Variants in CYFIP1 observed in about 807,000 individuals in gnomAD.
The protein encoded by CYFIP1 is cytoplasmic FMR1 interacting protein 1, also known as cytoplasmic FMR1-interacting protein 1.
In CYFIP1, 58 loss-of-function variants were observed where a neutral mutation model predicts 163.5. The observed-to-expected ratio is 0.35, with a 90% CI of 0.29 to 0.44. CYFIP1 has a LOEUF of 0.44. CYFIP1 is among the 20% of genes least tolerant of loss of function. The pLI, the probability that CYFIP1 is intolerant of heterozygous loss-of-function variation, is 1.00. For missense variants in CYFIP1, 1,338 were observed against 1,653.8 expected, an observed-to-expected ratio of 0.81 and a Z score of 3.31; for synonymous variants, 663 against 660.7, an observed-to-expected ratio of 1.00 and a Z score of -0.05.
At chr15:22,880,661 G>A (rs901871954) in intron 25 of CYFIP1, among the ~76,000 whole-genome samples, 1 of 152,178 alleles carries the variant, frequency 6.6e-6, no homozygotes, top group Non-Finnish European at 1.5e-5. Context: ...CACAATGAAC[G>A]TGGCATCAGG....
At chr15:22,886,495 T>C (rs945985795) in intron 23 of CYFIP1, among the ~76,000 whole-genome samples, 1 of 152,232 alleles carries the variant, frequency 6.6e-6, no homozygotes, top group African/African-American at 2.4e-5. Context: ...TTACATTTCA[T>C]TCAATTCAAT....
intron 1 of CYFIP1, among the ~76,000 whole-genome samples, chr15:22,948,808 T>TAAAA (rs3083516): frequency 7.2e-6 from 1 of 139,720 alleles, no homozygotes; most frequent in Non-Finnish European, 1.5e-5. Flanking sequence ...TACTGAAATG[T>TAAAA]AAAAAAAAAA....
intron 26 of CYFIP1, among the ~76,000 whole-genome samples, chr15:22,876,058 C>G (rs1347943619): frequency 6.6e-6 from 1 of 151,558 alleles, no homozygotes; most frequent in Non-Finnish European, 1.5e-5. Flanking sequence ...GCTCACCACC[C>G]CCACGGAGCA....
At chr15:22,897,477 T>TG (rs980934836) in intron 22 of CYFIP1, among the ~76,000 whole-genome samples, 2 of 144,788 alleles carry the variant, frequency 1.4e-5, no homozygotes, top group African/African-American at 5.0e-5. Context: ...TCAACAGGGT[T>TG]GTTTTTTTTT....
chr15:22,947,019 G>A lies in CYFIP1; in HGVS notation c.191C>T (p.Thr64Ile). 6.2e-7 allele frequency: 1 copy of A among 1,613,956 alleles called. No individual in the cohort carries two copies. Among genetic ancestry groups the A allele is most frequent in the Middle Eastern group, 1.6e-4 (1 of 6,062 alleles). The change falls in exon 3 of 31, where the codon ACC becomes ATC. Residue 64 changes from threonine (T) to isoleucine (I), a missense_variant. By Grantham distance (89) the Thr-to-Ile change is moderately conservative. Around this residue, in one of 4 missense-constraint regions of CYFIP1, gnomAD observed 186 missense variants for 288.3 expected, o/e 0.65. Coordinates refer to ENST00000617928, the MANE Select transcript of CYFIP1 (RefSeq NM_014608.6). ...TGIARYIEQA[T>I]VHSSMNEMLE... ...CAACATTACCATGCTAGAGTGGACG[G>A]TGGCTTGTTCAATGTATCTTGCGAT...
chr15:22,971,474 A>C (rs1206510090), intron 1 of CYFIP1, among the ~76,000 whole-genome samples: 1 of 152,176 alleles, frequency 6.6e-6, no homozygotes, highest in African/African-American at 2.4e-5. Context: ...GGAGTTCCAG[A>C]CCAGCCTGAC....
Position 22,954,033 on chromosome 15 carries a change from G to A in CYFIP1, c.-6-6742C>T, listed in dbSNP as rs181931232. On this transcript the variant is annotated intron_variant, in intron 1 of 30. Coordinates refer to ENST00000617928, the MANE Select transcript of CYFIP1 (RefSeq NM_014608.6). ...ATCGCGCCACTGCACTCCAGCCTGGGTGACAGAGCGAAGACTGTCTCAAAA... is the reference window on the plus strand; with the variant it reads ...ATCGCGCCACTGCACTCCAGCCTGGATGACAGAGCGAAGACTGTCTCAAAA... 1.4e-3 allele frequency among the ~76,000 whole-genome samples: 219 copies of A among 152,214 alleles called. 5 individuals are homozygous for A. Among genetic ancestry groups the A allele is most frequent in the Non-Finnish European group, 4.3e-4 (29 of 68,014 alleles).
At chr15:22,905,365 A>C (rs2060535391) in intron 21 of CYFIP1, 1 of 152,092 alleles carries the variant, frequency 6.6e-6, no homozygotes, top group Non-Finnish European at 1.5e-5. Context: ...CTTCTTGAGG[A>C]AGCTGTATGA....
intron 1 of CYFIP1, among the ~76,000 whole-genome samples, chr15:22,976,861 T>G (rs2063299462): frequency 6.6e-6 from 1 of 152,184 alleles, no homozygotes; most frequent in Non-Finnish European, 1.5e-5. Flanking sequence ...AGTGTTGACT[T>G]TGCATGTATC....
intron 22 of CYFIP1, among the ~76,000 whole-genome samples, chr15:22,894,880 T>A (rs2028795): frequency 0.17 from 23,660 of 139,252 alleles, 1,541 homozygotes; most frequent in Middle Eastern, 0.21. Flanking sequence ...TATATATATT[T>A]TTTTTTTTTT....
rs2059374802 is a variant in CYFIP1 at position 22,869,894 on chromosome 15, A to AT, written c.*133dup. The AT allele has an allele frequency of 4.0e-6, 3 of 747,366 alleles. No homozygotes were observed. The highest frequency in any genetic ancestry group is 8.7e-5 in the South Asian group (2 of 22,886). The allele number at this position is 747,366 out of a possible 1,614,324, so 46.3% of individuals were successfully genotyped here. ...TAGAAAAATAAGTCAATTTTATAAA[A>AT]TTAAGTTTTTAGATCGAAAAGCACC... On this transcript the variant is annotated 3_prime_UTR_variant, in exon 31 of 31. Transcript: ENST00000617928.
intron 13 of CYFIP1, among the ~76,000 whole-genome samples, chr15:22,922,538 T>G (rs966839182): frequency 1.3e-5 from 2 of 152,212 alleles, no homozygotes; most frequent in Non-Finnish European, 2.9e-5. Flanking sequence ...TAACCTTCAG[T>G]GCAACAACTA....
intron 3 of CYFIP1, among the ~76,000 whole-genome samples, chr15:22,946,199 G>A (rs372872238): frequency 6.6e-6 from 1 of 151,880 alleles, no homozygotes; most frequent in East Asian, 1.9e-4. Context: ...AGCTACTCAG[G>A]AGGCAGAGGT....
chr15:22,973,692 A>G (rs1276998640), intron 1 of CYFIP1, among the ~76,000 whole-genome samples: 2 of 152,194 alleles, frequency 1.3e-5, no homozygotes, highest in Non-Finnish European at 2.9e-5. Flanking sequence ...AAAGGCCACA[A>G]AAGAAAAAAT....
chr15:22,944,126 C>T (rs2061977903), intron 5 of CYFIP1, among the ~76,000 whole-genome samples: 1 of 151,386 alleles, frequency 6.6e-6, no homozygotes, highest in African/African-American at 2.4e-5. Flanking sequence ...GTAATCCCAG[C>T]TACTCAGGAA....
Position 22,920,159 on chromosome 15 carries a change from C to CTTTT in CYFIP1, c.1360-1305_1360-1302dup, listed in dbSNP as rs71117470. Among the ~76,000 whole-genome samples the CTTTT allele has an allele frequency of 7.5e-3, 563 of 75,550 alleles. 6 individuals carry two copies. The highest frequency in any genetic ancestry group is 0.021 in the Middle Eastern group (1 of 48). The allele number at this position is 75,550 out of a possible 152,430, so 49.6% of individuals were successfully genotyped here. ...TTTGACAGATTCAAAATTAAGGCAG[C>CTTTT]TTTTTTTTTTTTTTTTTTTTTTTGA... is the stretch of plus-strand genomic sequence containing the variant. On this transcript the variant is annotated intron_variant, in intron 13 of 30. Coordinates refer to ENST00000617928, the MANE Select transcript of CYFIP1 (RefSeq NM_014608.6).
At chr15:22,893,010 A>AC (rs754202383) in intron 22 of CYFIP1, 33 bp from the exon 23 acceptor site, 4 of 1,495,610 alleles carry the variant, frequency 2.7e-6, no homozygotes, top group Non-Finnish European at 3.7e-6. Flanking sequence ...AGAAAAAGAA[A>AC]CCAAATTTAA....
At position 22,917,702 on chromosome 15, in the gene CYFIP1, C is replaced by A; in HGVS notation, c.1674+86G>T. The A allele has an allele frequency of 5.5e-6, 8 of 1,450,006 alleles. No individual in the cohort carries two copies. Among genetic ancestry groups the A allele is most frequent in the Non-Finnish European group, 7.3e-6 (8 of 1,090,484 alleles). 89.8% of individuals were successfully genotyped at this position (1,450,006 alleles called of 1,614,324 possible). A position where few individuals can be genotyped will look rare whatever the true frequency, so the allele number is the denominator to read the frequency against. On this transcript the variant is annotated intron_variant, in intron 15 of 30. Transcript: ENST00000617928. The surrounding 1 kb of genome is among the most constrained non-coding windows in gnomAD (Gnocchi z 4.2). Reference sequence around the variant, plus strand: ...AGCAGGCAGCGAGGACCTCATTTAACCCGGGCCTCACCAGCCCCACCCGCT... The same window carrying A: ...AGCAGGCAGCGAGGACCTCATTTAAACCGGGCCTCACCAGCCCCACCCGCT...
intron 26 of CYFIP1, among the ~76,000 whole-genome samples, chr15:22,878,636 C>A (rs1257300980): frequency 1.5e-5 from 2 of 136,812 alleles, no homozygotes; most frequent in Non-Finnish European, 3.1e-5. Flanking sequence ...AAAACATCTT[C>A]AAAAAGATAC....
Sources: allele counts gnomAD v4.1 joint callset (sites outside exome capture counted in the v4.1 genomes callset), GRCh38; gene constraint gnomAD v4.1.1; regional missense constraint gnomAD v4.1.1; non-coding constraint Gnocchi (gnomAD v3.1); transcripts MANE v1.5; gene names NCBI Gene and HGNC (gene_info 2026-07-23, HGNC 2026-07-21).